The following NT5DC1 variants were observed in gnomAD, a reference collection of about 807,000 sequenced individuals.
The protein encoded by NT5DC1 is 5'-nucleotidase domain-containing protein 1.
A neutral mutation model predicts 59.4 loss-of-function variants in NT5DC1; 42 were observed. That is an observed-to-expected ratio of 0.71 (90% CI 0.55 to 0.92). The LOEUF is 0.92. NT5DC1 is among the 40% of genes least tolerant of loss of function. The pLI, the probability that NT5DC1 is intolerant of heterozygous loss-of-function variation, is 0.00. For missense variants in NT5DC1, 501 were observed against 537.1 expected, an observed-to-expected ratio of 0.93 and a Z score of 0.66; for synonymous variants, 172 against 188.1, an observed-to-expected ratio of 0.91 and a Z score of 0.70.
chr6:116,111,568 GTTT>G (rs1305035496), intron 4 of NT5DC1, among the ~76,000 whole-genome samples: 1 of 152,076 alleles, frequency 6.6e-6, no homozygotes, highest in Non-Finnish European at 1.5e-5. Context: ...CTAATTATTA[GTTT>G]TTTTATTTGT....
intron 6 of NT5DC1, among the ~76,000 whole-genome samples, chr6:116,181,126 T>TCAA (rs1373400779): frequency 6.6e-6 from 1 of 151,984 alleles, no homozygotes; most frequent in Non-Finnish European, 1.5e-5. Context: ...AGATTAATAA[T>TCAA]TATTGAAGTC....
chr6:116,105,646 T>C (rs1244583355), intron 1 of NT5DC1, among the ~76,000 whole-genome samples: 1 of 152,262 alleles, frequency 6.6e-6, no homozygotes, highest in Non-Finnish European at 1.5e-5. Flanking sequence ...AAATAAGATC[T>C]GTCAGCAATC....
rs1337190261 is a variant in NT5DC1 at position 116,247,150 on chromosome 6, G to C, written c.*3126G>C. The C allele has an allele frequency of 1.3e-5, 2 of 152,016 alleles. No individual in the cohort carries two copies. Among genetic ancestry groups the C allele is most frequent in the Non-Finnish European group, 2.9e-5 (2 of 67,968 alleles). The allele number at this position is 152,016 out of a possible 1,614,324, so 9.4% of individuals were successfully genotyped here. On this transcript the variant is annotated 3_prime_UTR_variant, in exon 12 of 12. Coordinates refer to ENST00000319550, the MANE Select transcript of NT5DC1 (RefSeq NM_152729.3). ...ATAATGTCTTCCAATATTGAATCTAGACTAGGGCAAATTCTCAGCCCAAAA... is the reference window on the plus strand; with the variant it reads ...ATAATGTCTTCCAATATTGAATCTACACTAGGGCAAATTCTCAGCCCAAAA...
intron 11 of NT5DC1, among the ~76,000 whole-genome samples, chr6:116,241,930 A>AAAAAAAAC (rs1771734627): frequency 1.6e-5 from 1 of 62,608 alleles, no homozygotes; most frequent in African/African-American, 1.3e-4. Context: ...CTCAAAAAAA[A>AAAAAAAAC]AAAAAAAACA....
chr6:116,125,671 G>A lies in NT5DC1; in HGVS notation c.529+7726G>A, dbSNP rs1404142437. On this transcript the variant is annotated intron_variant, in intron 6 of 11. Transcript: ENST00000319550. Reference sequence around the variant, plus strand: ...AAATGAGAGATCATTTTTTAGTTATGTGAATATATGTCTTAGTTATTTTTG... The same window carrying A: ...AAATGAGAGATCATTTTTTAGTTATATGAATATATGTCTTAGTTATTTTTG... 4 of 556,520 alleles carry A rather than the reference G, an allele frequency of 7.2e-6. No homozygotes were observed. In the African/African-American group the frequency reaches 7.6e-5, roughly 11 times the overall value. 34.5% of individuals were successfully genotyped at this position (556,520 alleles called of 1,614,324 possible).
intron 6 of NT5DC1, among the ~76,000 whole-genome samples, chr6:116,165,297 T>A (rs7744989): frequency 0.21 from 32,017 of 151,994 alleles, 3,537 homozygotes; most frequent in East Asian, 0.27. Flanking sequence ...TTGGATAGTC[T>A]GATAACTATA....
At chr6:116,103,488 G>C (rs895213618) in intron 1 of NT5DC1, among the ~76,000 whole-genome samples, 19 of 152,036 alleles carry the variant, frequency 1.2e-4, no homozygotes, top group Non-Finnish European at 2.2e-4. Flanking sequence ...CAGAGGAAAG[G>C]CCGGGAGCTG....
At chr6:116,237,680 C>G in intron 9 of NT5DC1, 10 of 328,586 alleles carry the variant, frequency 3.0e-5, no homozygotes, top group Non-Finnish European at 4.9e-5. Context: ...TCCATTGCCT[C>G]AGACTACCTA....
At chr6:116,222,889 G>C (rs1302083697) in intron 7 of NT5DC1, 145 bp from the exon 8 acceptor site, 2 of 563,182 alleles carry the variant, frequency 3.6e-6, no homozygotes, top group Non-Finnish European at 6.3e-6. Context: ...ACCTTAAAGT[G>C]TGTGAGAAAA....
intron 1 of NT5DC1, among the ~76,000 whole-genome samples, chr6:116,103,413 C>T (rs1453419062): frequency 6.6e-6 from 1 of 151,990 alleles, no homozygotes. Flanking sequence ...GGCAACTAAG[C>T]GAGGTAGTCC....
At chr6:116,155,752 TAAAAAAAAAAAA>T (rs58270869) in intron 6 of NT5DC1, among the ~76,000 whole-genome samples, 1 of 114,616 alleles carries the variant, frequency 8.7e-6, no homozygotes, top group African/African-American at 3.2e-5. Context: ...TACTTCTCCT[TAAAAAAAAAAAA>T]AAAAAAAAGA....
intron 8 of NT5DC1, among the ~76,000 whole-genome samples, chr6:116,231,795 C>T (rs1782025303): frequency 6.6e-6 from 1 of 152,092 alleles, no homozygotes; most frequent in Non-Finnish European, 1.5e-5. Flanking sequence ...GAATGAAATG[C>T]ACATATTTTA....
chr6:116,177,409 T>A (rs1780759857), intron 6 of NT5DC1, among the ~76,000 whole-genome samples: 1 of 152,194 alleles, frequency 6.6e-6, no homozygotes, highest in South Asian at 2.1e-4. Flanking sequence ...CTCACCACTC[T>A]AAATATTAGA....
At chr6:116,137,993 G>A (rs759181902) in intron 6 of NT5DC1, among the ~76,000 whole-genome samples, 17 of 151,920 alleles carry the variant, frequency 1.1e-4, no homozygotes, top group Non-Finnish European at 2.2e-4. Context: ...CAGGAGAATC[G>A]CTTGAACTTG....
chr6:116,189,777 T>TC (rs1252744198), intron 6 of NT5DC1, among the ~76,000 whole-genome samples: 2 of 151,970 alleles, frequency 1.3e-5, no homozygotes, highest in African/African-American at 4.8e-5. Flanking sequence ...GATACAAAAA[T>TC]CCATTCATAT....
intron 6 of NT5DC1, among the ~76,000 whole-genome samples, chr6:116,147,000 A>AAT (rs59165804): frequency 0.6 from 88,402 of 146,574 alleles, 28,711 homozygotes; most frequent in African/African-American, 0.86. Context: ...AATAATATAA[A>AAT]ATATATATAT....
intron 6 of NT5DC1, chr6:116,119,001 C>T (rs1219377407): frequency 6.6e-6 from 1 of 152,538 alleles, no homozygotes. Flanking sequence ...CAAATTGCTG[C>T]TTTCAAATTA....
At chr6:116,163,630 C>T (rs1017314880) in intron 6 of NT5DC1, among the ~76,000 whole-genome samples, 1 of 151,978 alleles carries the variant, frequency 6.6e-6, no homozygotes, top group African/African-American at 2.4e-5. Flanking sequence ...TAGTTCTGCT[C>T]TGATCTTTAT....
At chr6:116,226,914 T>C (rs1339249295) in intron 8 of NT5DC1, among the ~76,000 whole-genome samples, 7 of 152,130 alleles carry the variant, frequency 4.6e-5, no homozygotes. Flanking sequence ...TATATATAGA[T>C]TGTAGAATGG....
Sources: allele counts gnomAD v4.1 joint callset (sites outside exome capture counted in the v4.1 genomes callset), GRCh38; gene constraint gnomAD v4.1.1; transcripts MANE v1.5; gene names NCBI Gene and HGNC (gene_info 2026-07-23, HGNC 2026-07-21).